Variants in PPP3CA observed in about 807,000 individuals in gnomAD.
PPP3CA encodes the protein CAM-PRP catalytic subunit.
A neutral mutation model predicts 66.5 loss-of-function variants in PPP3CA; 14 were observed. The observed-to-expected ratio is 0.21, with a 90% CI of 0.14 to 0.33. The LOEUF (loss-of-function observed/expected upper bound fraction) is 0.33. PPP3CA is among the 10% of genes least tolerant of loss of function. The pLI is 1.00. For missense variants in PPP3CA, 317 were observed against 639.5 expected, an observed-to-expected ratio of 0.50 and a Z score of 5.44; for synonymous variants, 232 against 226.2, an observed-to-expected ratio of 1.03 and a Z score of -0.23.
chr4:101,222,062 A>G (rs1305862680), intron 1 of PPP3CA, among the ~76,000 whole-genome samples: 1 of 151,640 alleles, frequency 6.6e-6, no homozygotes, highest in Non-Finnish European at 1.5e-5. Context: ...ATATAAAATA[A>G]CTTGTATTTA....
At chr4:101,174,496 T>C (rs1476644273) in intron 2 of PPP3CA, among the ~76,000 whole-genome samples, 1 of 152,216 alleles carries the variant, frequency 6.6e-6, no homozygotes, top group Non-Finnish European at 1.5e-5. Flanking sequence ...CTTCTTGAAT[T>C]AAGTACAACA....
intron 1 of PPP3CA, among the ~76,000 whole-genome samples, chr4:101,275,030 T>C (rs1272117886): frequency 1.3e-5 from 2 of 152,216 alleles, no homozygotes; most frequent in Admixed American, 1.3e-4. Context: ...TTTCAGTGAT[T>C]GGGCTCCAAA....
At chr4:101,233,383 T>C (rs1182863506) in intron 1 of PPP3CA, among the ~76,000 whole-genome samples, 3 of 151,822 alleles carry the variant, frequency 2.0e-5, no homozygotes, top group Non-Finnish European at 4.4e-5. Context: ...AGCTGAAACT[T>C]AGATCTTCAA....
chr4:101,320,474 ATGTG>A lies in PPP3CA; in HGVS notation c.58+26261_58+26264del, dbSNP rs978696518. On this transcript the variant is annotated intron_variant, in intron 1 of 13. Transcript: ENST00000394854. Reference sequence around the variant, plus strand: ...CTCATATGTATGTATGTATGTATGTATGTGTGTGTGTGTGTGTATACACACACAC... The same window carrying A: ...CTCATATGTATGTATGTATGTATGTATGTGTGTGTGTGTATACACACACAC... 1.1e-3 allele frequency among the ~76,000 whole-genome samples: 141 copies of A among 129,864 alleles called. 1 individual carries two copies. In the East Asian group the frequency reaches 0.029, roughly 26 times the overall value. The allele number at this position is 129,864 out of a possible 152,430, so 85.2% of individuals were successfully genotyped here.
At chr4:101,098,647 A>T in intron 4 of PPP3CA, 135 bp from the exon 5 acceptor site, 1 of 686,168 alleles carries the variant, frequency 1.5e-6, no homozygotes, top group Non-Finnish European at 2.3e-6. Context: ...AAATTCCAAA[A>T]CATAATTAAG....
intron 1 of PPP3CA, among the ~76,000 whole-genome samples, chr4:101,332,109 G>A (rs941265148): frequency 6.6e-6 from 1 of 152,154 alleles, no homozygotes; most frequent in African/African-American, 2.4e-5. Context: ...GACTGGGATG[G>A]GTGGTGGTGA....
Position 101,025,768 on chromosome 4 carries a change from G to T in PPP3CA, c.*97C>A. 2.0e-6 allele frequency: 2 copies of T among 1,010,380 alleles called. No individual in the cohort carries two copies. The highest frequency in any genetic ancestry group is 2.8e-6 in the Non-Finnish European group (2 of 717,090). The allele number at this position is 1,010,380 out of a possible 1,614,324, so 62.6% of individuals were successfully genotyped here. A position where few individuals can be genotyped will look rare whatever the true frequency, so the allele number is the denominator to read the frequency against. The stretch of plus-strand genomic sequence containing the variant: ...CAGAGCAAATAAGCTACTGTCAGAG[G>T]CAAGAACATCCAACTGCTGATATGC... On this transcript the variant is annotated 3_prime_UTR_variant, in exon 14 of 14. Transcript: ENST00000394854.
chr4:101,319,164 C>A, intron 1 of PPP3CA, among the ~76,000 whole-genome samples: 2 of 138,948 alleles, frequency 1.4e-5, no homozygotes, highest in East Asian at 2.1e-4. Flanking sequence ...TGAGTTATAC[C>A]ATATTGAAAA....
At chr4:101,090,172 A>G in intron 6 of PPP3CA, among the ~76,000 whole-genome samples, 1 of 152,230 alleles carries the variant, frequency 6.6e-6, no homozygotes, top group East Asian at 1.9e-4. Flanking sequence ...GTGGCACTAA[A>G]GACAAAAGGA....
chr4:101,339,316 T>G (rs964306530), intron 1 of PPP3CA, among the ~76,000 whole-genome samples: 1 of 152,154 alleles, frequency 6.6e-6, no homozygotes, highest in Admixed American at 6.5e-5. Context: ...CATCCAATAA[T>G]CAAACACTCA....
chr4:101,139,696 G>GTTTTTTTTTTTTTT (rs372257350), intron 2 of PPP3CA, among the ~76,000 whole-genome samples: 23 of 98,390 alleles, frequency 2.3e-4, no homozygotes, highest in Admixed American at 3.6e-4. Flanking sequence ...TTTTTTTTGT[G>GTTTTTTTTTTTTTT]TTTTTTTTTT....
At chr4:101,242,121 A>G (rs1168162588) in intron 1 of PPP3CA, among the ~76,000 whole-genome samples, 1 of 151,980 alleles carries the variant, frequency 6.6e-6, no homozygotes, top group Non-Finnish European at 1.5e-5. Context: ...AGATATAAAA[A>G]TGCTTAAAAA....
chr4:101,330,008 T>G (rs544357710), intron 1 of PPP3CA, among the ~76,000 whole-genome samples: 1 of 152,252 alleles, frequency 6.6e-6, no homozygotes, highest in East Asian at 1.9e-4. Context: ...TTAAGAAATA[T>G]ATCTCATAAG....
chr4:101,161,151 G>A (rs991481444), intron 2 of PPP3CA, among the ~76,000 whole-genome samples: 1 of 152,054 alleles, frequency 6.6e-6, no homozygotes, highest in Non-Finnish European at 1.5e-5. Flanking sequence ...CAGGTTTGTA[G>A]CCGAGAAGCA....
intron 10 of PPP3CA, among the ~76,000 whole-genome samples, chr4:101,057,123 C>T (rs375161696): frequency 3.3e-5 from 5 of 151,886 alleles, no homozygotes; most frequent in East Asian, 1.9e-4. Context: ...GGTGCAATCA[C>T]GGCTCACTGC....
At chr4:101,191,896 G>T (rs1414669156) in intron 2 of PPP3CA, among the ~76,000 whole-genome samples, 1 of 152,144 alleles carries the variant, frequency 6.6e-6, no homozygotes, top group African/African-American at 2.4e-5. Flanking sequence ...TGCTGACCCA[G>T]GGACAAATCC....
chr4:101,228,374 A>G (rs2659525), intron 1 of PPP3CA, among the ~76,000 whole-genome samples: 16,879 of 151,572 alleles, frequency 0.11, 1,355 homozygotes, highest in East Asian at 0.31. Flanking sequence ...TTATGAACAC[A>G]TAGCATCCAT....
chr4:101,076,082 C>A (rs901098691), intron 8 of PPP3CA, among the ~76,000 whole-genome samples: 14 of 152,100 alleles, frequency 9.2e-5, no homozygotes, highest in Non-Finnish European at 2.1e-4. Context: ...CTGTAATTTT[C>A]ACCTGATTGG....
intron 3 of PPP3CA, among the ~76,000 whole-genome samples, chr4:101,106,453 G>GAAAGAAAGAAAGAAAGAAGAGAAAAGAAA (rs775018059): frequency 1.1e-4 from 4 of 35,512 alleles, no homozygotes; most frequent in Non-Finnish European, 2.1e-4. Context: ...AAGAAAGAAA[G>GAAAGAAAGAAAGAAAGAAGAGAAAAGAAA]AGAAAAGAAA....
Sources: gnomAD v4.1 joint callset for allele counts (sites outside exome capture counted in the v4.1 genomes callset) on GRCh38, gnomAD v4.1.1 for gene constraint, MANE v1.5 for transcripts, NCBI Gene and HGNC (gene_info 2026-07-23, HGNC 2026-07-21) for gene names.